PAPPA: variants seen among roughly 807,000 people sequenced by gnomAD.
PAPPA encodes the protein pappalysin 1.
In PAPPA, 60 loss-of-function variants were observed where a neutral mutation model predicts 164.0. The observed-to-expected ratio is 0.37, with a 90% CI of 0.30 to 0.45. The LOEUF (loss-of-function observed/expected upper bound fraction) is 0.45, where lower values mean the gene tolerates loss of function less well. Among genes scored for constraint, PAPPA ranks in the 20% least tolerant of loss-of-function variants. The probability of loss-of-function intolerance (pLI) is 1.00; values close to 1 mark genes in which losing one functional copy is unlikely to be tolerated. For synonymous variants in PAPPA, 875 were observed against 814.1 expected (o/e 1.07, Z -1.27); for missense variants, 1,782 against 2,087.3 (o/e 0.85, Z 2.85).
intron 1 of PAPPA, among the ~76,000 whole-genome samples, chr9:116,167,780 A>T (rs1157719103): frequency 6.6e-6 from 1 of 152,196 alleles, no homozygotes; most frequent in Non-Finnish European, 1.5e-5. Context: ...TTTACAGAAA[A>T]GCCCCTCAAA....
At chr9:116,258,859 C>T (rs926250437) in intron 7 of PAPPA, among the ~76,000 whole-genome samples, 1 of 152,098 alleles carries the variant, frequency 6.6e-6, no homozygotes, top group Non-Finnish European at 1.5e-5. Flanking sequence ...GTGGGCCAGA[C>T]ATGGTGGCTT....
At chr9:116,267,422 A>T (rs10817867) in intron 8 of PAPPA, among the ~76,000 whole-genome samples, 57,374 of 152,124 alleles carry the variant, frequency 0.38, 11,091 homozygotes, top group East Asian at 0.67. Flanking sequence ...GGCAATAGAA[A>T]TATTGCAAAC....
intron 20 of PAPPA, among the ~76,000 whole-genome samples, chr9:116,378,776 G>A (rs1846688634): frequency 6.6e-6 from 1 of 152,156 alleles, no homozygotes; most frequent in Non-Finnish European, 1.5e-5. Context: ...CAAAACGTAA[G>A]CCCAGCTCTT....
intron 10 of PAPPA, among the ~76,000 whole-genome samples, chr9:116,307,608 T>TA (rs1401498245): frequency 1.3e-5 from 2 of 151,914 alleles, no homozygotes; most frequent in Admixed American, 1.3e-4. Context: ...TCAAGAAAAA[T>TA]AAAAATAAAA....
At chr9:116,221,364 T>C (rs1844443805) in intron 5 of PAPPA, among the ~76,000 whole-genome samples, 1 of 152,242 alleles carries the variant, frequency 6.6e-6, no homozygotes, top group African/African-American at 2.4e-5. Flanking sequence ...AATGGTGATA[T>C]ATTAATGATG....
intron 10 of PAPPA, among the ~76,000 whole-genome samples, chr9:116,318,089 C>A (rs149177417): frequency 6.6e-6 from 1 of 152,232 alleles, no homozygotes; most frequent in African/African-American, 2.4e-5. Context: ...TAGCTGTGGC[C>A]GAGTTTTTCT....
At chr9:116,201,985 C>T (rs778844520) in intron 2 of PAPPA, among the ~76,000 whole-genome samples, 5 of 152,116 alleles carry the variant, frequency 3.3e-5, no homozygotes, top group African/African-American at 7.2e-5. Context: ...ATGACTCTGG[C>T]GTGACATTGC....
chr9:116,158,781 T>G (rs1353047864), intron 1 of PAPPA, among the ~76,000 whole-genome samples: 6 of 152,188 alleles, frequency 3.9e-5, no homozygotes, highest in Non-Finnish European at 8.8e-5. Context: ...TGTTTTGCCT[T>G]CACAACTACC....
At chr9:116,281,823 G>A (rs1193938102) in intron 9 of PAPPA, among the ~76,000 whole-genome samples, 1 of 152,140 alleles carries the variant, frequency 6.6e-6, no homozygotes, top group Non-Finnish European at 1.5e-5. Flanking sequence ...TCTTATGCCA[G>A]GCCAACTGCC....
intron 9 of PAPPA, among the ~76,000 whole-genome samples, chr9:116,290,996 T>C (rs1570516): frequency 0.15 from 23,013 of 152,092 alleles, 2,328 homozygotes; most frequent in Non-Finnish European, 0.22. Flanking sequence ...ACACTGGATT[T>C]TACCGCCTCT....
intron 2 of PAPPA, among the ~76,000 whole-genome samples, chr9:116,195,246 T>C (rs1180416844): frequency 6.6e-6 from 1 of 152,158 alleles, no homozygotes; most frequent in African/African-American, 2.4e-5. Context: ...TTCTTCATGC[T>C]TTTCTTCTGA....
At position 116,299,650 on chromosome 9, in the gene PAPPA, C is replaced by T. The variant is rs535759886; in HGVS notation, c.2954-3107C>T. On this transcript the variant is annotated intron_variant, in intron 9 of 21. Coordinates refer to ENST00000328252, the MANE Select transcript of PAPPA (RefSeq NM_002581.5). ...GATCTTATTTCCAAGAGGTTGTTTT[C>T]GTCATTCTGTAGCTGTGGCATGTAG... is the stretch of plus-strand genomic sequence containing the variant. Among the ~76,000 whole-genome samples, 80 of 152,224 alleles carry T rather than the reference C, an allele frequency of 5.3e-4. 1 individual carries two copies. The highest frequency in any genetic ancestry group is 9.9e-4 in the Non-Finnish European group (67 of 68,012).
chr9:116,174,709 T>C (rs1587938513), intron 1 of PAPPA, among the ~76,000 whole-genome samples: 3 of 152,232 alleles, frequency 2.0e-5, no homozygotes, highest in Admixed American at 2.0e-4. Flanking sequence ...TCTTTTAGAT[T>C]AATTTCTTTT....
Position 116,334,950 on chromosome 9 carries a change from C to CGT in PAPPA, c.3491_3492dup (p.Ser1165Ter). 6.2e-7 allele frequency: 1 copy of CGT among 1,613,740 alleles called. No homozygotes were observed. Reference sequence around the variant, plus strand: ...GCCCTTCTACCACAGCCAGGCGGTACGTGTGAGCTTCAGTTCGCCCCTGGT... The same window carrying CGT: ...GCCCTTCTACCACAGCCAGGCGGTACGTGTGTGAGCTTCAGTTCGCCCCTGGT... On this transcript the variant is annotated frameshift_variant, in exon 13 of 22. Coordinates refer to ENST00000328252, the MANE Select transcript of PAPPA (RefSeq NM_002581.5). LOFTEE classifies it high-confidence loss of function.
At chr9:116,256,677 T>G (rs1844931466) in intron 7 of PAPPA, among the ~76,000 whole-genome samples, 1 of 151,944 alleles carries the variant, frequency 6.6e-6, no homozygotes, top group Non-Finnish European at 1.5e-5. Context: ...CAACCTGAAT[T>G]TATGAAATAA....
At chr9:116,265,145 G>C (rs1845051538) in intron 7 of PAPPA, among the ~76,000 whole-genome samples, 1 of 152,156 alleles carries the variant, frequency 6.6e-6, no homozygotes, top group African/African-American at 2.4e-5. Context: ...TTGTAAGCAA[G>C]TTGCTTTACC....
intron 10 of PAPPA, among the ~76,000 whole-genome samples, chr9:116,313,767 C>T (rs1377809391): frequency 1.3e-5 from 2 of 152,146 alleles, no homozygotes; most frequent in Admixed American, 1.3e-4. Flanking sequence ...AACTGAGGAA[C>T]TAATTGGTTT....
rs1402895635 is a variant in PAPPA at position 116,358,900 on chromosome 9, C to T, written c.4348-3692C>T. Among the ~76,000 whole-genome samples, 3 of 152,166 alleles carry T rather than the reference C, an allele frequency of 2.0e-5. No individual in the cohort carries two copies. The East Asian group carries it at 5.8e-4, about 29-fold the overall frequency. On this transcript the variant is annotated intron_variant, in intron 17 of 21. Transcript: ENST00000328252. ...TTCTAAACTTCTCTTAGAGACAGTA[C>T]AGCAAAGTGAGTAAGAACCTCATCT...
At chr9:116,346,498 A>T (rs1340463094) in intron 14 of PAPPA, among the ~76,000 whole-genome samples, 1 of 152,144 alleles carries the variant, frequency 6.6e-6, no homozygotes, top group African/African-American at 2.4e-5. Context: ...TGGAGGAAAA[A>T]CATGGAGGTC....
Sources: gnomAD v4.1 joint callset for allele counts (sites outside exome capture counted in the v4.1 genomes callset) on GRCh38, gnomAD v4.1.1 for gene constraint, MANE v1.5 for transcripts, NCBI Gene and HGNC (gene_info 2026-07-23, HGNC 2026-07-21) for gene names.